LAMA5: variants seen among roughly 807,000 people sequenced by gnomAD.
The protein encoded by LAMA5 is laminin subunit alpha-5.
LAMA5 carries 260 observed loss-of-function variants against 433.4 expected under a neutral mutation model. That is an observed-to-expected ratio of 0.60 (90% CI 0.54 to 0.66). The LOEUF (loss-of-function observed/expected upper bound fraction) is 0.66. Ranked by LOEUF, LAMA5 falls within the 30% of genes least tolerant of loss-of-function variation. LAMA5 has a pLI of 0.00. For missense variants in LAMA5, 5,378 were observed against 5,258.5 expected (o/e 1.02, Z -0.70); for synonymous variants, 2,620 against 2,226.6 (o/e 1.18, Z -4.97).
intron 51 of LAMA5, 67 bp downstream of exon 51, chr20:62,319,617 A>AC (rs1987445753): frequency 8.5e-7 from 1 of 1,178,882 alleles, no homozygotes. Flanking sequence ...TCGGCCAGGC[A>AC]CCCCCACCCC....
chr20:62,365,523 TC>T (rs1320200449), intron 1 of LAMA5, among the ~76,000 whole-genome samples: 2 of 152,100 alleles, frequency 1.3e-5, no homozygotes, highest in Non-Finnish European at 2.9e-5. Flanking sequence ...GGTCTGAGGT[TC>T]ACAGGGCACC....
At chr20:62,330,971 G>C in intron 29 of LAMA5, 27 bp from the exon 30 acceptor site, 2 of 1,557,790 alleles carry the variant, frequency 1.3e-6, no homozygotes, top group East Asian at 2.4e-5. Context: ...GGGTGAGTCA[G>C]AGCCGGCCCT....
chr20:62,351,201 A>G (rs965736791), intron 6 of LAMA5: 5 of 178,636 alleles, frequency 2.8e-5, no homozygotes, highest in Admixed American at 5.4e-5. Context: ...ACTGGAGTGA[A>G]GGTCAGGGCT....
intron 1 of LAMA5, among the ~76,000 whole-genome samples, chr20:62,365,265 G>T (rs148515188): frequency 1.7e-3 from 256 of 152,322 alleles, no homozygotes; most frequent in African/African-American, 5.7e-3. Flanking sequence ...TGAAACTGTG[G>T]CCACTTCCCA....
At chr20:62,319,900 G>A (rs564969389) in intron 50 of LAMA5, 105 bp from the exon 51 acceptor site, 4 of 757,856 alleles carry the variant, frequency 5.3e-6, no homozygotes, top group Admixed American at 2.5e-5. Flanking sequence ...AGGGAAGAGG[G>A]GCCCCTTATC....
At position 62,367,060 on chromosome 20, in the gene LAMA5, C is replaced by A. The variant is rs1986816518; in HGVS notation, c.186G>T (p.Ala62=). The change falls in exon 1 of 80, where the codon GCG becomes GCT. Residue 62 remains alanine, a synonymous_variant. Coordinates refer to ENST00000252999, the MANE Select transcript of LAMA5 (RefSeq NM_005560.6). ...LAEGARIAAS[A]TCGEEAPARG... Reference sequence around the variant, plus strand: ...GCGCCGGGGCCTCCTCTCCGCAGGTCGCGGAGGCGGCGATGCGGGCGCCCT... The same window carrying A: ...GCGCCGGGGCCTCCTCTCCGCAGGTAGCGGAGGCGGCGATGCGGGCGCCCT... The A allele has an allele frequency of 6.3e-6, 8 of 1,264,442 alleles. No homozygotes were observed. Among genetic ancestry groups the A allele is most frequent in the Non-Finnish European group, 7.9e-6 (8 of 1,007,620 alleles). The allele number at this position is 1,264,442 out of a possible 1,614,324, so 78.3% of individuals were successfully genotyped here. A position where few individuals can be genotyped will look rare whatever the true frequency, so the allele number is the denominator to read the frequency against.
At position 62,317,481 on chromosome 20, in the gene LAMA5, C is replaced by T. The variant is rs774378028; in HGVS notation, c.7375G>A (p.Ala2459Thr). 73 of 1,550,408 alleles carry T rather than the reference C, an allele frequency of 4.7e-5. No individual in the cohort carries two copies. Among genetic ancestry groups the T allele is most frequent in the Non-Finnish European group, 5.5e-5 (63 of 1,145,576 alleles). The change falls in exon 55 of 80, where the codon GCC becomes ACC. Residue 2459 changes from alanine (A) to threonine (T), a missense_variant. Coordinates refer to ENST00000252999, the MANE Select transcript of LAMA5 (RefSeq NM_005560.6). ...QAKEELERLA[A>T]SLDGARTPLL... Reference sequence around the variant, plus strand: ...GGGGTCCGAGCCCCATCCAGGCTGGCGGCGAGGCGCTCCAGCTCCTGGAAT... The same window carrying T: ...GGGGTCCGAGCCCCATCCAGGCTGGTGGCGAGGCGCTCCAGCTCCTGGAAT...
chr20:62,338,244 G>A lies in LAMA5; in HGVS notation c.1744C>T (p.Pro582Ser), dbSNP rs769279935. Residue 582 changes from proline (P) to serine (S), a missense_variant, in exon 13 of 80, where the codon CCT (proline) becomes TCT (serine). Transcript: ENST00000252999. ...AGGCACCACTCACACTGGCAGAGAG[G>A]GAAGTGAAAGTAGCCGGGGGCACAG... The part of the protein sequence containing the change: ...DRCAPGYFHF[P>S]LCQLCGCSPA... 7 of 1,597,518 alleles carry A rather than the reference G, an allele frequency of 4.4e-6. No homozygotes were observed. Among genetic ancestry groups the A allele is most frequent in the African/African-American group, 1.3e-5 (1 of 74,644 alleles).
At chr20:62,337,133 G>A (rs1981776373) in intron 16 of LAMA5, 3 of 570,914 alleles carry the variant, frequency 5.3e-6, no homozygotes, top group Admixed American at 2.2e-5. Context: ...ACACGCCCGT[G>A]AAAGGACATG....
intron 16 of LAMA5, 74 bp from the exon 17 acceptor site, chr20:62,336,860 C>G (rs1275139718): frequency 6.8e-7 from 1 of 1,474,790 alleles, no homozygotes; most frequent in Admixed American, 1.9e-5. Flanking sequence ...CCAGGCCCAG[C>G]CAGAACCCAC....
intron 52 of LAMA5, 31 bp downstream of exon 52, chr20:62,318,812 C>T (rs935687341): frequency 2.5e-6 from 4 of 1,606,206 alleles, no homozygotes; most frequent in Admixed American, 1.7e-5. Context: ...TGCCTCTCCC[C>T]ACCCCGCCTG....
chr20:62,334,598 C>A lies in LAMA5; in HGVS notation c.2506G>T (p.Ala836Ser). The A allele has an allele frequency of 6.5e-7, 1 of 1,547,852 alleles. No homozygotes were observed. The highest frequency in any genetic ancestry group is 8.7e-7 in the Non-Finnish European group (1 of 1,146,708). ...CRSCRCDIGG[A>S]LGQSCEPRTG... is the part of the protein sequence containing the mutation. ...CTCGGTTCACAGCTCTGGCCCAGTG[C>A]ACCGCCAATGTCACACCGGCAGCCT... Residue 836 changes from alanine to serine, a missense_variant, in exon 21 of 80, where the codon GCA becomes TCA. Transcript: ENST00000252999.
chr20:62,327,490 C>G, intron 37 of LAMA5, 39 bp downstream of exon 37: 1 of 1,611,260 alleles, frequency 6.2e-7, no homozygotes, highest in Non-Finnish European at 8.5e-7. Context: ...CACCTAAGAC[C>G]TCCCCGAGAA....
Position 62,328,862 on chromosome 20 carries a change from C to T in LAMA5, c.4429G>A (p.Gly1477Ser), listed in dbSNP as rs1463370246. 5 of 1,610,990 alleles carry T rather than the reference C, an allele frequency of 3.1e-6. No individual in the cohort carries two copies. In the African/African-American group the frequency reaches 4.0e-5, roughly 13 times the overall value. ...DCSRCATGYW[G>S]FPNCRPCDCG... ...TACTCACGCCTGCAGTTGGGGAAGC[C>T]CCAGTATCCGGTGGCACAGCGGGAG... The change falls in exon 34 of 80, where the codon GGC (glycine) becomes AGC (serine). Residue 1477 changes from glycine (G) to serine (S), a missense_variant. Gly to Ser is a moderately conservative substitution (Grantham distance 56). Transcript: ENST00000252999.
chr20:62,311,022 G>A lies in LAMA5; in HGVS notation c.10161C>T (p.Pro3387=), dbSNP rs139348745. 0.019 allele frequency: 30,935 copies of A among 1,609,544 alleles called. 354 individuals carry two copies. The highest frequency in any genetic ancestry group is 0.022 in the Non-Finnish European group (26,461 of 1,178,398). Residue 3387 remains proline, a synonymous_variant, in exon 74 of 80, where the codon CCC becomes CCT. Transcript: ENST00000252999. ...GLLLFTARLR[P]GSPSLALFLS... is the part of the protein sequence containing the mutation. ...GGAAGAGCGCCAGGGAGGGGCTGCC[G>A]GGCCTCAGACGGGCAGTGAAGAGGA...
rs148325371 is a variant in LAMA5, at chr20:62,343,190, C to G, written c.1477+2628G>C. Among the ~76,000 whole-genome samples, 1,406 of 152,290 alleles carry G rather than the reference C, an allele frequency of 9.2e-3. 21 individuals carry two copies. The highest frequency in any genetic ancestry group is 0.032 in the African/African-American group (1,316 of 41,548). ...AGTTTCCCCACAGGGACCACACGGC[C>G]CTCAGTCTATGACATTTACCGTCTG... On this transcript the variant is annotated intron_variant, in intron 11 of 79. Transcript: ENST00000252999.
rs1433070605 is a variant in LAMA5, at chr20:62,330,743, C to T, written c.3852G>A (p.Gln1284=). The change falls in exon 30 of 80, where the codon CAG becomes CAA. Residue 1284 remains glutamine (Q), a splice_region_variant and synonymous_variant. Coordinates refer to ENST00000252999, the MANE Select transcript of LAMA5 (RefSeq NM_005560.6). ...TCCCTCTAGAGACTATGGCCCTCAC[C>T]TGGGGCTCACGCAGCAGGGTGGGCT... is the stretch of plus-strand genomic sequence containing the variant. ...DAEPTLLREP[Q]ATVVFTTHVP... is the part of the protein sequence containing the mutation. 6.4e-7 allele frequency: 1 copy of T among 1,559,204 alleles called. No individual in the cohort carries two copies. The highest frequency in any genetic ancestry group is 8.7e-7 in the Non-Finnish European group (1 of 1,152,270).
intron 3 of LAMA5, 74 bp downstream of exon 3, chr20:62,353,060 A>G: frequency 2.7e-6 from 3 of 1,105,162 alleles, no homozygotes; most frequent in Non-Finnish European, 3.9e-6. Context: ...AGACCTTCAG[A>G]AGCCTGGTCA....
intron 1 of LAMA5, among the ~76,000 whole-genome samples, chr20:62,364,995 G>A (rs1164529356): frequency 2.0e-5 from 3 of 152,234 alleles, no homozygotes; most frequent in Non-Finnish European, 2.9e-5. Flanking sequence ...CTTCTCACAC[G>A]CCCAATCCGC....
Sources: allele counts gnomAD v4.1 joint callset (sites outside exome capture counted in the v4.1 genomes callset), GRCh38; gene constraint gnomAD v4.1.1; transcripts MANE v1.5; gene names NCBI Gene and HGNC (gene_info 2026-07-23, HGNC 2026-07-21).